The following CEP57 variants were observed in gnomAD, a reference collection of about 807,000 sequenced individuals.
CEP57 encodes the protein centrosomal protein 57.
CEP57 carries 40 observed loss-of-function variants against 68.0 expected under a neutral mutation model. The ratio of observed to expected loss-of-function variants is 0.59; its 90% CI spans 0.46 to 0.77. The LOEUF (loss-of-function observed/expected upper bound fraction) is 0.77, where lower values mean the gene tolerates loss of function less well. Among genes scored for constraint, CEP57 ranks in the 30% least tolerant of loss-of-function variants. The pLI, the probability that CEP57 is intolerant of heterozygous loss-of-function variation, is 0.00. For missense variants in CEP57, 606 were observed against 580.7 expected (o/e 1.04, Z -0.45); for synonymous variants, 219 against 198.7 (o/e 1.10, Z -0.86).
rs77856873 is a variant in CEP57 at position 95,796,715 on chromosome 11, A to G, written c.46-2517A>G. On this transcript the variant is annotated intron_variant, in intron 1 of 10. Coordinates refer to ENST00000325542, the MANE Select transcript of CEP57 (RefSeq NM_014679.5). ...GCCCAGATGTTGCTCAGACCCCCAT[A>G]CATTAAGGGGCTCCGTTTCACAAGA... is the stretch of plus-strand genomic sequence containing the variant. Among the ~76,000 whole-genome samples, 246 of 152,244 alleles carry G rather than the reference A, an allele frequency of 1.6e-3. 2 individuals are homozygous for G. Among genetic ancestry groups the G allele is most frequent in the Non-Finnish European group, 2.6e-3 (179 of 68,008 alleles).
Position 95,813,586 on chromosome 11 carries a change from A to G in CEP57, c.501A>G (p.Lys167=), listed in dbSNP as rs140524256. The change falls in exon 4 of 11, where the codon AAA becomes AAG. Residue 167 remains lysine (K), a synonymous_variant. Coordinates refer to ENST00000325542, the MANE Select transcript of CEP57 (RefSeq NM_014679.5). The part of the protein sequence containing the change: ...AEMERTSVLE[K]QVSLERERQH... ...TGGAGAGGACATCTGTCTTAGAGAA[A>G]CAAGTAAGTAAAGCACCTCACAGAT... 275 of 1,612,796 alleles carry G rather than the reference A, an allele frequency of 1.7e-4. No homozygotes were observed. Among genetic ancestry groups the G allele is most frequent in the Non-Finnish European group, 2.2e-4 (258 of 1,179,906 alleles).
intron 2 of CEP57, among the ~76,000 whole-genome samples, chr11:95,805,748 C>T (rs1861770071): frequency 6.6e-6 from 1 of 152,010 alleles, no homozygotes; most frequent in Non-Finnish European, 1.5e-5. Context: ...GGCACTAATT[C>T]CCTAACATTA....
intron 2 of CEP57, among the ~76,000 whole-genome samples, chr11:95,800,625 C>T (rs1271985041): frequency 1.3e-5 from 2 of 152,104 alleles, no homozygotes; most frequent in South Asian, 2.1e-4. Context: ...CTCTGGACCT[C>T]GTGATCCACC....
At chr11:95,800,874 C>T (rs1861547904) in intron 2 of CEP57, among the ~76,000 whole-genome samples, 1 of 152,204 alleles carries the variant, frequency 6.6e-6, no homozygotes. Context: ...AATACACCTA[C>T]CTCATACTTT....
chr11:95,813,657 T>A, intron 4 of CEP57, 68 bp downstream of exon 4: 3 of 1,590,926 alleles, frequency 1.9e-6, no homozygotes, highest in Middle Eastern at 1.7e-4. Context: ...AATAAAGACT[T>A]TTTTTCTTTC....
intron 1 of CEP57, among the ~76,000 whole-genome samples, 164 bp from the exon 2 acceptor site, chr11:95,799,068 T>C (rs1238225919): frequency 1.3e-5 from 2 of 152,240 alleles, no homozygotes; most frequent in Non-Finnish European, 2.9e-5. Context: ...TATGAAACAC[T>C]TTAAAAGTTG....
chr11:95,824,394 G>A (rs1294023707), intron 8 of CEP57, among the ~76,000 whole-genome samples: 1 of 141,942 alleles, frequency 7.0e-6, no homozygotes, highest in Non-Finnish European at 1.6e-5. Flanking sequence ...TATAAGAAAG[G>A]CATACTTGTA....
At chr11:95,794,206 C>CTTT in intron 1 of CEP57, 1 of 391,048 alleles carries the variant, frequency 2.6e-6, no homozygotes, top group Admixed American at 2.7e-5. Flanking sequence ...AGTGATTTTT[C>CTTT]TTTTTTTTTT....
chr11:95,797,177 C>T (rs2135251438), intron 1 of CEP57, among the ~76,000 whole-genome samples: 1 of 120,550 alleles, frequency 8.3e-6, no homozygotes, highest in Middle Eastern at 4.2e-3. Context: ...TCCCAACACA[C>T]ACACACACAG....
At chr11:95,825,913 C>G (rs766062690) in intron 8 of CEP57, 1 of 152,138 alleles carries the variant, frequency 6.6e-6, no homozygotes, top group Non-Finnish European at 1.5e-5. Flanking sequence ...CCACTGCGCC[C>G]AGCCTGCTTT....
At chr11:95,824,178 C>T (rs747936134) in intron 8 of CEP57, among the ~76,000 whole-genome samples, 1 of 151,288 alleles carries the variant, frequency 6.6e-6, no homozygotes, top group South Asian at 2.1e-4. Context: ...CCCAGGAGTT[C>T]GAGACTGTAG....
chr11:95,816,176 A>G (rs767130588), intron 4 of CEP57, among the ~76,000 whole-genome samples: 2 of 152,170 alleles, frequency 1.3e-5, no homozygotes, highest in African/African-American at 2.4e-5. Flanking sequence ...AAGGGGAAGC[A>G]TACATATTCT....
intron 2 of CEP57, among the ~76,000 whole-genome samples, chr11:95,803,083 C>G (rs1214590807): frequency 3.3e-5 from 5 of 152,038 alleles, no homozygotes; most frequent in African/African-American, 9.7e-5. Context: ...TAAACTGAAG[C>G]AACAAGACAG....
At chr11:95,799,134 C>A in intron 1 of CEP57, 98 bp from the exon 2 acceptor site, 1 of 1,201,470 alleles carries the variant, frequency 8.3e-7, no homozygotes, top group East Asian at 2.4e-5. Context: ...TTTCTGTTGT[C>A]TGTATGGACA....
At chr11:95,826,124 C>T (rs1291932593) in intron 8 of CEP57, 2 of 152,334 alleles carry the variant, frequency 1.3e-5, no homozygotes, top group Non-Finnish European at 2.9e-5. Flanking sequence ...CTCTGCCACT[C>T]CTGAGACAGC....
At chr11:95,825,591 GAC>G (rs1491220568) in intron 8 of CEP57, 1 of 145,500 alleles carries the variant, frequency 6.9e-6, no homozygotes, top group African/African-American at 2.5e-5. Flanking sequence ...GACTGCTTTT[GAC>G]TTTTTTTTTT....
chr11:95,812,359 A>T (rs1314061750), intron 2 of CEP57, among the ~76,000 whole-genome samples: 1 of 152,006 alleles, frequency 6.6e-6, no homozygotes, highest in Non-Finnish European at 1.5e-5. Flanking sequence ...AGTCTTTGAA[A>T]TTTTTTTACC....
rs545196172 is a variant in CEP57, at chr11:95,810,327, C to T, written c.203-2605C>T. On this transcript the variant is annotated intron_variant, in intron 2 of 10. Coordinates refer to ENST00000325542, the MANE Select transcript of CEP57 (RefSeq NM_014679.5). The stretch of plus-strand genomic sequence containing the variant: ...GCCGTCTCTCACCATTCCTATTGAA[C>T]ATAGTGTTGGAACTTCTGGCCAGGG... Among the ~76,000 whole-genome samples the T allele has an allele frequency of 2.6e-5, 4 of 152,256 alleles. No individual in the cohort carries two copies. The East Asian group carries it at 7.7e-4, about 29-fold the overall frequency.
chr11:95,830,580 T>A (rs899283662), intron 10 of CEP57, among the ~76,000 whole-genome samples: 1 of 152,196 alleles, frequency 6.6e-6, no homozygotes, highest in South Asian at 2.1e-4. Flanking sequence ...TGGAAATTGC[T>A]TCTTTGCCTC....
Sources: allele counts gnomAD v4.1 joint callset (sites outside exome capture counted in the v4.1 genomes callset), GRCh38; gene constraint gnomAD v4.1.1; transcripts MANE v1.5; gene names NCBI Gene and HGNC (gene_info 2026-07-23, HGNC 2026-07-21).